The following HPS1 variants were observed in gnomAD, a reference collection of about 807,000 sequenced individuals.
The protein encoded by HPS1 is HPS1 biogenesis of lysosomal organelles complex 3 subunit 1.
A neutral mutation model predicts 90.6 loss-of-function variants in HPS1; 59 were observed. The ratio of observed to expected loss-of-function variants is 0.65; its 90% CI spans 0.53 to 0.81. The LOEUF (loss-of-function observed/expected upper bound fraction) is 0.81, where lower values mean the gene tolerates loss of function less well. Ranked by LOEUF, HPS1 falls within the 30% of genes least tolerant of loss-of-function variation. HPS1 has a pLI of 0.00. For missense variants in HPS1, 849 were observed against 896.7 expected (o/e 0.95, Z 0.68); for synonymous variants, 388 against 384.4 (o/e 1.01, Z -0.11).
In HPS1 at chr10:98,422,424, T is replaced by C. The variant is rs760933414; in HGVS notation, c.1688A>G (p.Gln563Arg). 2.5e-6 allele frequency: 4 copies of C among 1,614,232 alleles called. No individual in the cohort carries two copies. Among genetic ancestry groups the C allele is most frequent in the South Asian group, 1.1e-5 (1 of 91,086 alleles). The change falls in exon 17 of 20, where the codon CAA (glutamine) becomes CGA (arginine). Residue 563 changes from glutamine (Q) to arginine (R), a missense_variant. Transcript: ENST00000361490. The part of the protein sequence containing the change: ...QMVAPSLNCS[Q>R]KTSSELGKGP... Reference sequence around the variant, plus strand: ...CTTGCCCAACTCCGACGAGGTCTTTTGACTGCAGTTGAGGGAAGGCGCCAC... The same window carrying C: ...CTTGCCCAACTCCGACGAGGTCTTTCGACTGCAGTTGAGGGAAGGCGCCAC...
chr10:98,432,993 G>A (rs746147707), intron 6 of HPS1, among the ~76,000 whole-genome samples: 1 of 152,108 alleles, frequency 6.6e-6, no homozygotes, highest in Non-Finnish European at 1.5e-5. Flanking sequence ...CCAGCACTTT[G>A]GGAGGCCGAG....
At position 98,446,894 on chromosome 10, in the gene HPS1, C is replaced by G. The variant is rs1485223408; in HGVS notation, c.-193G>C. The G allele has an allele frequency of 2.6e-5, 4 of 152,076 alleles. No individual in the cohort carries two copies. Among genetic ancestry groups the G allele is most frequent in the Admixed American group, 2.0e-4 (3 of 15,282 alleles). 9.4% of individuals were successfully genotyped at this position (152,076 alleles called of 1,614,324 possible). On this transcript the variant is annotated 5_prime_UTR_variant, in exon 1 of 20. Coordinates refer to ENST00000361490, the MANE Select transcript of HPS1 (RefSeq NM_000195.5). ...GCCCGGAGGCCCACGTACCGGATCG[C>G]GGCGCGCACAGCGCCCCGCCTGCAG... is the stretch of plus-strand genomic sequence containing the variant.
intron 16 of HPS1, 89 bp from the exon 17 acceptor site, chr10:98,422,602 G>A (rs530639660): frequency 2.2e-6 from 3 of 1,349,842 alleles, no homozygotes; most frequent in Non-Finnish European, 3.2e-6. Context: ...AGTCATGGTG[G>A]CAGGAGGGCC....
At chr10:98,436,439 T>C (rs568726709) in intron 3 of HPS1, among the ~76,000 whole-genome samples, 93 of 152,318 alleles carry the variant, frequency 6.1e-4, no homozygotes, top group African/African-American at 1.8e-3. Flanking sequence ...AAGCCAACAC[T>C]ATTAAAGTTA....
chr10:98,420,416 C>A, intron 17 of HPS1: 1 of 434,112 alleles, frequency 2.3e-6, no homozygotes, highest in South Asian at 2.0e-5. Flanking sequence ...ACACATATGC[C>A]ATAAATTAGT....
intron 10 of HPS1, among the ~76,000 whole-genome samples, chr10:98,427,801 A>G (rs868518888): frequency 6.6e-6 from 1 of 152,222 alleles, no homozygotes; most frequent in Non-Finnish European, 1.5e-5. Flanking sequence ...CTGAAATATT[A>G]TGTGTCTGTA....
rs1049620540 is a variant in HPS1 at position 98,446,801 on chromosome 10, C to A, written c.-106+6G>T. On this transcript the variant is annotated splice_donor_region_variant and intron_variant, in intron 1 of 19. Transcript: ENST00000361490. Reference sequence around the variant, plus strand: ...GGGCCCGCTCCGGGACCCCTAGGGACCCTACCTCACTTCCGGGAGGGTTGA... The same window carrying A: ...GGGCCCGCTCCGGGACCCCTAGGGAACCTACCTCACTTCCGGGAGGGTTGA... 6.6e-6 allele frequency: 1 copy of A among 152,348 alleles called. No homozygotes were observed. Among genetic ancestry groups the A allele is most frequent in the Non-Finnish European group, 1.5e-5 (1 of 68,046 alleles). 9.4% of individuals were successfully genotyped at this position (152,348 alleles called of 1,614,324 possible).
Position 98,445,745 on chromosome 10 carries a change from A to C in HPS1, c.-105-341T>G, listed in dbSNP as rs751887062. Among the ~76,000 whole-genome samples, 16 of 152,178 alleles carry C rather than the reference A, an allele frequency of 1.1e-4. No individual in the cohort carries two copies. The highest frequency in any genetic ancestry group is 1.6e-4 in the Non-Finnish European group (11 of 68,028). ...TGACTGACGGGAGACAGCATAGCACATCCCAGGTGGTGAGGATGCAGTCCC... is the reference window on the plus strand; with the variant it reads ...TGACTGACGGGAGACAGCATAGCACCTCCCAGGTGGTGAGGATGCAGTCCC... On this transcript the variant is annotated intron_variant, in intron 1 of 19. Coordinates refer to ENST00000361490, the MANE Select transcript of HPS1 (RefSeq NM_000195.5). This position sits in a 1 kb window ranked among gnomAD's most constrained non-coding sequence, Gnocchi z 4.5.
At position 98,417,552 on chromosome 10, in the gene HPS1, G is replaced by C; in HGVS notation, c.*12C>G. The C allele has an allele frequency of 1.2e-6, 2 of 1,606,062 alleles. No homozygotes were observed. Among genetic ancestry groups the C allele is most frequent in the Non-Finnish European group, 1.7e-6 (2 of 1,176,486 alleles). On this transcript the variant is annotated 3_prime_UTR_variant, in exon 20 of 20. Coordinates refer to ENST00000361490, the MANE Select transcript of HPS1 (RefSeq NM_000195.5). This position sits in a 1 kb window ranked among gnomAD's most constrained non-coding sequence, Gnocchi z 4.2. ...AGGACAGGATGCAAAGGCAGACTGC[G>C]GCCACCTTGGCCTAGAGCAGGGGGA...
chr10:98,415,045 G>A (rs1426416344), downstream of HPS1: 3 of 1,613,930 alleles, frequency 1.9e-6, no homozygotes, highest in South Asian at 3.3e-5. Context: ...TCAGGCTTCA[G>A]ACCTCCCCTG....
downstream of HPS1, chr10:98,415,248 C>T: frequency 7.4e-7 from 1 of 1,360,388 alleles, no homozygotes; most frequent in Non-Finnish European, 9.9e-7. Context: ...GAGCTGCAGT[C>T]CCCCTCCAGG....
At chr10:98,419,782 G>T (rs1367137681) in intron 18 of HPS1, among the ~76,000 whole-genome samples, 1 of 152,262 alleles carries the variant, frequency 6.6e-6, no homozygotes, top group Non-Finnish European at 1.5e-5. Flanking sequence ...TGGGGCATGT[G>T]CCTTTCTGCT....
At chr10:98,427,394 T>C in intron 10 of HPS1, 130 bp from the exon 11 acceptor site, 2 of 736,964 alleles carry the variant, frequency 2.7e-6, no homozygotes, top group Non-Finnish European at 4.7e-6. Context: ...CACGCAGGGG[T>C]GCTAATGTGG....
intron 17 of HPS1, 49 bp from the exon 18 acceptor site, chr10:98,420,207 TGG>T (rs1844674089): frequency 1.5e-6 from 2 of 1,365,624 alleles, no homozygotes; most frequent in East Asian, 4.6e-5. Context: ...TTGGTCTGCC[TGG>T]GCAGCTCTCA....
chr10:98,418,671 T>C (rs756863253), intron 18 of HPS1, among the ~76,000 whole-genome samples: 10 of 152,234 alleles, frequency 6.6e-5, no homozygotes, highest in Non-Finnish European at 1.2e-4. Flanking sequence ...GTGCCGTGTG[T>C]GCCAGGCATG....
rs755194475 is a variant in HPS1, at chr10:98,417,709, T to C, written c.1958A>G (p.Tyr653Cys). The C allele has an allele frequency of 6.2e-7, 1 of 1,613,620 alleles. No individual in the cohort carries two copies. Among genetic ancestry groups the C allele is most frequent in the East Asian group, 2.2e-5 (1 of 44,842 alleles). Reference protein sequence around the residue: ...GDYYRKLLRYYSKNRPTEAVR... With the variant: ...GDYYRKLLRYCSKNRPTEAVR... ...AGCCTCGGTTGGGCGGTTCTTGCTG[T>C]AGTAGCGCAGGAGCTTCCTGGGGAG... The change falls in exon 20 of 20, where the codon TAC (tyrosine) becomes TGC (cysteine). Residue 653 changes from tyrosine (Y) to cysteine (C), a missense_variant. Physicochemically the swap from Tyr to Cys is radical, Grantham distance 194. Transcript: ENST00000361490. This position sits in a 1 kb window ranked among gnomAD's most constrained non-coding sequence, Gnocchi z 4.2.
In HPS1 at chr10:98,435,294, C is replaced by T; in HGVS notation, c.376G>A (p.Asp126Asn). The T allele has an allele frequency of 6.2e-7, 1 of 1,614,068 alleles. No homozygotes were observed. The highest frequency in any genetic ancestry group is 8.5e-7 in the Non-Finnish European group (1 of 1,180,028). The change falls in exon 5 of 20, where the codon GAC becomes AAC. Residue 126 changes from aspartate (D) to asparagine (N), a missense_variant. Asp to Asn is a conservative substitution (Grantham distance 23, BLOSUM62 1). Transcript: ENST00000361490. This position sits in a 1 kb window ranked among gnomAD's most constrained non-coding sequence, Gnocchi z 4.3. ...CACTCCTTTCGGATAAGATGACCGTCCACAGTCACCAGCCCAAAGTGCACT... is the reference window on the plus strand; with the variant it reads ...CACTCCTTTCGGATAAGATGACCGTTCACAGTCACCAGCCCAAAGTGCACT... ...FEVHFGLVTV[D>N]GHLIRKELRP...
At chr10:98,439,765 G>C (rs1938077027) in intron 3 of HPS1, among the ~76,000 whole-genome samples, 1 of 152,184 alleles carries the variant, frequency 6.6e-6, no homozygotes, top group Non-Finnish European at 1.5e-5. Flanking sequence ...TGAGATTTGG[G>C]AGGGTCCTGG....
In HPS1 at chr10:98,417,040, A is replaced by G. The variant is rs1844203381; in HGVS notation, c.*524T>C. ...TTGGGCTTCAGTGATAACAATGACC[A>G]ACATTTATTGAGCACCTACCACACT... is the stretch of plus-strand genomic sequence containing the variant. On this transcript the variant is annotated 3_prime_UTR_variant, in exon 20 of 20. Transcript: ENST00000361490. The surrounding 1 kb of genome is among the most constrained non-coding windows in gnomAD (Gnocchi z 4.2). 6.5e-6 allele frequency: 1 copy of G among 153,416 alleles called. No homozygotes were observed. The highest frequency in any genetic ancestry group is 1.5e-5 in the Non-Finnish European group (1 of 68,752). The allele number at this position is 153,416 out of a possible 1,614,324, so 9.5% of individuals were successfully genotyped here.
Sources: gnomAD v4.1 joint callset for allele counts (sites outside exome capture counted in the v4.1 genomes callset) on GRCh38, gnomAD v4.1.1 for gene constraint, Gnocchi (gnomAD v3.1) non-coding constraint, MANE v1.5 for transcripts, NCBI Gene and HGNC (gene_info 2026-07-23, HGNC 2026-07-21) for gene names.